MAP7D3: variants seen among roughly 807,000 people sequenced by gnomAD.
The protein encoded by MAP7D3 is MAP7 domain-containing protein 3.
A neutral mutation model predicts 62.2 loss-of-function variants in MAP7D3; 45 were observed. That is an observed-to-expected ratio of 0.72 (90% CI 0.57 to 0.93). MAP7D3 has a LOEUF of 0.93. Among genes scored for constraint, MAP7D3 ranks in the 40% least tolerant of loss-of-function variants. The pLI, the probability that MAP7D3 is intolerant of heterozygous loss-of-function variation, is 0.00. For missense variants in MAP7D3, 711 were observed against 683.1 expected, an observed-to-expected ratio of 1.04 and a Z score of -0.45; for synonymous variants, 288 against 248.8, an observed-to-expected ratio of 1.16 and a Z score of -1.48.
chrX:136,226,929 G>A, intron 12 of MAP7D3, among the ~76,000 whole-genome samples: 1 of 110,351 alleles, frequency 9.1e-6, no homozygotes, highest in Non-Finnish European at 1.9e-5. Flanking sequence ...AGGAGTTCAA[G>A]ACCAGCCTGG....
At chrX:136,232,970 G>GA (rs372079597) in intron 7 of MAP7D3, among the ~76,000 whole-genome samples, 5 of 104,736 alleles carry the variant, frequency 4.8e-5, no homozygotes, top group Non-Finnish European at 7.9e-5. Context: ...TTACCCTTAG[G>GA]AAAAAAAAAA....
chrX:136,229,523 A>G (rs1470629494), intron 10 of MAP7D3, among the ~76,000 whole-genome samples: 1 of 110,889 alleles, frequency 9.0e-6, no homozygotes, highest in Non-Finnish European at 1.9e-5. Context: ...AAATAGCAAT[A>G]TGGCACTTTC....
In MAP7D3 at chrX:136,220,677, G is replaced by A. The variant is rs187870014; in HGVS notation, c.2486+88C>T. 470 of 774,994 alleles carry A rather than the reference G, an allele frequency of 6.1e-4. 6 individuals are homozygous for A. In the East Asian group the frequency reaches 0.012, roughly 20 times the overall value. The allele number at this position is 774,994 out of a possible 1,213,427, so 63.9% of individuals were successfully genotyped here. Reference sequence around the variant, plus strand: ...ACATGGTGTTTGGTACAAACTAAGAGCACAAGAGATCATATTTATCTAGCA... The same window carrying A: ...ACATGGTGTTTGGTACAAACTAAGAACACAAGAGATCATATTTATCTAGCA... On this transcript the variant is annotated intron_variant, in intron 16 of 18. Coordinates refer to ENST00000316077, the MANE Select transcript of MAP7D3 (RefSeq NM_024597.4).
intron 6 of MAP7D3, among the ~76,000 whole-genome samples, chrX:136,236,749 G>C (rs1210121092): frequency 1.8e-5 from 2 of 111,794 alleles, no homozygotes; most frequent in Non-Finnish European, 3.8e-5. Context: ...AGTATAAAAT[G>C]ATGAAAACAT....
chrX:136,229,710 C>CTT (rs5903912), intron 10 of MAP7D3, among the ~76,000 whole-genome samples: 2 of 102,575 alleles, frequency 1.9e-5, no homozygotes, highest in African/African-American at 3.5e-5. Flanking sequence ...CCGACCTGTG[C>CTT]TTTTTTTTGA....
intron 14 of MAP7D3, among the ~76,000 whole-genome samples, chrX:136,222,934 T>G (rs1179378548): frequency 8.2e-5 from 9 of 109,820 alleles, no homozygotes; most frequent in Non-Finnish European, 1.5e-4. Flanking sequence ...CTCAGACTTT[T>G]GGACTCGAGT....
At chrX:136,213,846 G>A (rs1323465385), downstream of MAP7D3, 1 of 112,316 alleles carries the variant, frequency 8.9e-6, no homozygotes, top group Non-Finnish European at 1.9e-5. Context: ...TGTGAGCATT[G>A]AAAATGCCTG....
chrX:136,217,452 T>C lies in MAP7D3; in HGVS notation c.*1074A>G, dbSNP rs3788953. The C allele has an allele frequency of 0.48, 52,976 of 110,476 alleles. 9,651 individuals are homozygous for C. Among genetic ancestry groups the C allele is most frequent in the East Asian group, 0.7 (2,459 of 3,488 alleles). The allele number at this position is 110,476 out of a possible 1,213,427, so 9.1% of individuals were successfully genotyped here. A position where few individuals can be genotyped will look rare whatever the true frequency, so the allele number is the denominator to read the frequency against. ...GTTTCTGTAGATAAACACCAATATG[T>C]CCTTCAAAAGGAAACACTGACAAGA... On this transcript the variant is annotated 3_prime_UTR_variant, in exon 19 of 19. Transcript: ENST00000316077.
upstream of MAP7D3, among the ~76,000 whole-genome samples, chrX:136,255,463 A>G (rs1472202954): frequency 9.0e-6 from 1 of 111,402 alleles, no homozygotes; most frequent in Non-Finnish European, 1.9e-5. Flanking sequence ...TCTTTTATTA[A>G]CCACCTACTC....
chrX:136,254,212 G>A (rs1159789267), upstream of MAP7D3, among the ~76,000 whole-genome samples: 1 of 107,589 alleles, frequency 9.3e-6, no homozygotes, highest in Admixed American at 9.9e-5. Context: ...AGCCTCCCAA[G>A]TAGCAGGAAT....
exon 1 of MAP7D3, chrX:136,256,455 A>T (rs1301351914): frequency 1.6e-6 from 1 of 630,632 alleles, no homozygotes; most frequent in Non-Finnish European, 2.4e-6. Context: ...GTCTAATTTC[A>T]ACAGGCTGCT....
At chrX:136,227,945 C>A (rs1381763001) in intron 11 of MAP7D3, among the ~76,000 whole-genome samples, 3 of 111,796 alleles carry the variant, frequency 2.7e-5, no homozygotes, top group African/African-American at 9.8e-5. Context: ...CCCATATAAG[C>A]ATATGGAAAA....
At chrX:136,223,873 CA>C (rs1041445514) in intron 14 of MAP7D3, among the ~76,000 whole-genome samples, 1 of 107,322 alleles carries the variant, frequency 9.3e-6, no homozygotes, top group Non-Finnish European at 1.9e-5. Context: ...CCTGTTTCTA[CA>C]AAAAAATAAA....
At chrX:136,245,294 A>G (rs1341932715) in intron 3 of MAP7D3, among the ~76,000 whole-genome samples, 1 of 111,575 alleles carries the variant, frequency 9.0e-6, no homozygotes, top group Non-Finnish European at 1.9e-5. Context: ...ATTACAGGAG[A>G]GCAAAATTTT....
intron 7 of MAP7D3, among the ~76,000 whole-genome samples, chrX:136,234,846 G>GCAA (rs979253073): frequency 1.8e-5 from 2 of 111,370 alleles, no homozygotes; most frequent in Non-Finnish European, 3.8e-5. Flanking sequence ...TGATATATGA[G>GCAA]CAACGAGATA....
At chrX:136,242,815 A>T (rs1262258669) in intron 4 of MAP7D3, among the ~76,000 whole-genome samples, 1 of 111,815 alleles carries the variant, frequency 8.9e-6, no homozygotes, top group Non-Finnish European at 1.9e-5. Flanking sequence ...TTCTTCGTTT[A>T]TCATTACTTA....
intron 8 of MAP7D3, 22 bp downstream of exon 8, chrX:136,231,522 C>G (rs756382704): frequency 8.6e-7 from 1 of 1,160,634 alleles, no homozygotes. Flanking sequence ...GAAAATTTGT[C>G]AATAACAGGC....
At chrX:136,229,546 CA>C (rs1243699388) in intron 10 of MAP7D3, among the ~76,000 whole-genome samples, 2 of 110,309 alleles carry the variant, frequency 1.8e-5, no homozygotes, top group Non-Finnish European at 3.8e-5. Context: ...GAATACTACA[CA>C]AATCAAGGGA....
At chrX:136,226,904 G>A (rs922762074) in intron 12 of MAP7D3, among the ~76,000 whole-genome samples, 12 of 110,626 alleles carry the variant, frequency 1.1e-4, no homozygotes, top group African/African-American at 1.6e-4. Flanking sequence ...TGAGGCGGGC[G>A]GATCACCTGA....
Sources: gnomAD v4.1 joint callset for allele counts (sites outside exome capture counted in the v4.1 genomes callset) on GRCh38, gnomAD v4.1.1 for gene constraint, MANE v1.5 for transcripts, NCBI Gene and HGNC (gene_info 2026-07-23, HGNC 2026-07-21) for gene names.